TNIK: variants seen among roughly 807,000 people sequenced by gnomAD.
TNIK encodes the protein TRAF2 and NCK-interacting protein kinase.
TNIK carries 49 observed loss-of-function variants against 191.3 expected under a neutral mutation model. The observed-to-expected ratio is 0.26, with a 90% CI of 0.20 to 0.32. TNIK has a LOEUF of 0.32. Ranked by LOEUF, TNIK falls within the 10% of genes least tolerant of loss-of-function variation. The probability of loss-of-function intolerance (pLI) is 1.00; values close to 1 mark genes in which losing one functional copy is unlikely to be tolerated. For missense variants in TNIK, 1,155 were observed against 1,702.3 expected, an observed-to-expected ratio of 0.68 and a Z score of 5.66; for synonymous variants, 594 against 600.9, an observed-to-expected ratio of 0.99 and a Z score of 0.17.
At position 171,125,980 on chromosome 3, in the gene TNIK, G is replaced by A. The variant is rs1728419919; in HGVS notation, c.1945C>T (p.Leu649Phe). The change falls in exon 17 of 33, where the codon CTC becomes TTC. Residue 649 changes from leucine to phenylalanine, a missense_variant. Physicochemically the swap from Leu to Phe is conservative, Grantham distance 22. Around this residue, in one of 3 missense-constraint regions of TNIK, gnomAD observed 735 missense variants for 848.0 expected, o/e 0.87. Transcript: ENST00000436636. ...TCAAACTTTTCAATGCGAGTGGGGAGAGGAGGATTTTCCGAGGTGGGATCT... is the reference window on the plus strand; with the variant it reads ...TCAAACTTTTCAATGCGAGTGGGGAAAGGAGGATTTTCCGAGGTGGGATCT... ...NSDPTSENPPLPTRIEKFDRS... is the reference protein window; with the variant it reads ...NSDPTSENPPFPTRIEKFDRS... 3 of 1,614,002 alleles carry A rather than the reference G, an allele frequency of 1.9e-6. No individual in the cohort carries two copies. Among genetic ancestry groups the A allele is most frequent in the Non-Finnish European group, 2.5e-6 (3 of 1,179,892 alleles).
chr3:171,415,488 C>G (rs757884902), intron 1 of TNIK, among the ~76,000 whole-genome samples: 3 of 152,102 alleles, frequency 2.0e-5, no homozygotes, highest in Non-Finnish European at 2.9e-5. Flanking sequence ...AAATCTCTAC[C>G]TCTTCCAATT....
chr3:171,399,513 G>C (rs890276794), intron 1 of TNIK, among the ~76,000 whole-genome samples: 1 of 152,150 alleles, frequency 6.6e-6, no homozygotes, highest in African/African-American at 2.4e-5. Flanking sequence ...TTATTTATAA[G>C]AGTACAAATA....
chr3:171,409,380 A>G (rs949658593), intron 1 of TNIK, among the ~76,000 whole-genome samples: 5 of 152,202 alleles, frequency 3.3e-5, no homozygotes, highest in African/African-American at 1.2e-4. Flanking sequence ...TATTTACACC[A>G]TCTGTAGGAA....
intron 3 of TNIK, among the ~76,000 whole-genome samples, chr3:171,220,118 C>A (rs754653481): frequency 4.1e-4 from 62 of 152,252 alleles, no homozygotes; most frequent in Admixed American, 8.5e-4. Context: ...TGGAAACCAT[C>A]ATTCTCAGCA....
At chr3:171,271,622 G>T (rs536930125) in intron 2 of TNIK, among the ~76,000 whole-genome samples, 1 of 152,212 alleles carries the variant, frequency 6.6e-6, no homozygotes, top group Admixed American at 6.5e-5. Context: ...CACTTTTTAT[G>T]GGAAAGCTAT....
chr3:171,435,947 G>C (rs960348255), intron 1 of TNIK, among the ~76,000 whole-genome samples: 4 of 152,158 alleles, frequency 2.6e-5, no homozygotes, highest in Non-Finnish European at 4.4e-5. Context: ...GCTTGTTCTG[G>C]AGTGGGGGCA....
chr3:171,183,729 T>C (rs1454033521), intron 7 of TNIK, among the ~76,000 whole-genome samples: 1 of 152,062 alleles, frequency 6.6e-6, no homozygotes, highest in African/African-American at 2.4e-5. Flanking sequence ...AAGACCAGCC[T>C]GGCCAACACA....
chr3:171,268,824 C>T (rs761187046), intron 2 of TNIK, among the ~76,000 whole-genome samples: 1 of 152,172 alleles, frequency 6.6e-6, no homozygotes, highest in Non-Finnish European at 1.5e-5. Flanking sequence ...ACAAAATAGA[C>T]AATGCCAGTG....
intron 11 of TNIK, 45 bp from the exon 12 acceptor site, chr3:171,157,709 C>T (rs372418168): frequency 4.8e-5 from 74 of 1,541,958 alleles, no homozygotes; most frequent in Non-Finnish European, 6.4e-5. Flanking sequence ...GGGGCAGGGG[C>T]CATGGCTACC....
chr3:171,275,239 T>A (rs1446820455), intron 2 of TNIK, among the ~76,000 whole-genome samples: 1 of 152,114 alleles, frequency 6.6e-6, no homozygotes, highest in African/African-American at 2.4e-5. Context: ...AAAGCCCACA[T>A]AGAGAGTCAC....
chr3:171,196,835 A>G (rs1738738450), intron 4 of TNIK, among the ~76,000 whole-genome samples: 1 of 152,066 alleles, frequency 6.6e-6, no homozygotes, highest in Non-Finnish European at 1.5e-5. Context: ...GCTCACTGCA[A>G]GCTCCACCTC....
At chr3:171,153,395 T>C (rs1010730276) in intron 12 of TNIK, among the ~76,000 whole-genome samples, 1 of 152,190 alleles carries the variant, frequency 6.6e-6, no homozygotes, top group Non-Finnish European at 1.5e-5. Context: ...ATCTCTACCA[T>C]AATCCAACTG....
chr3:171,355,374 T>A (rs1401456501), intron 2 of TNIK, among the ~76,000 whole-genome samples: 26 of 152,346 alleles, frequency 1.7e-4, no homozygotes, highest in African/African-American at 6.3e-4. Context: ...TTGAAGTGTC[T>A]CTTCATAAGT....
At position 171,114,738 on chromosome 3, in the gene TNIK, T is replaced by C. The variant is rs191396371; in HGVS notation, c.2121-3861A>G. ...AGTAAAATCAGTTGCAGAGTGATCA[T>C]TGGTAAACTTAAGAAAAACTTCCAA... is the stretch of plus-strand genomic sequence containing the variant. On this transcript the variant is annotated intron_variant, in intron 18 of 32. Coordinates refer to ENST00000436636, the MANE Select transcript of TNIK (RefSeq NM_015028.4). Among the ~76,000 whole-genome samples, 44 of 152,354 alleles carry C rather than the reference T, an allele frequency of 2.9e-4. No homozygotes were observed. The East Asian group carries it at 8.1e-3, about 28-fold the overall frequency.
chr3:171,364,931 T>C (rs1418118457), intron 2 of TNIK, among the ~76,000 whole-genome samples: 1 of 151,990 alleles, frequency 6.6e-6, no homozygotes. Flanking sequence ...AATTAAATAA[T>C]ATATTCAAAA....
intron 12 of TNIK, among the ~76,000 whole-genome samples, chr3:171,143,020 ATACAG>A: frequency 6.6e-6 from 1 of 152,340 alleles, no homozygotes; most frequent in East Asian, 1.9e-4. Flanking sequence ...TGCAAGGTGT[ATACAG>A]TATTGATTGC....
intron 12 of TNIK, among the ~76,000 whole-genome samples, chr3:171,155,100 C>G (rs1020680404): frequency 1.3e-5 from 2 of 152,170 alleles, no homozygotes; most frequent in Non-Finnish European, 2.9e-5. Context: ...AAAGGGGTAG[C>G]TAAGTGGGAA....
At chr3:171,319,731 C>T (rs1754989407) in intron 2 of TNIK, among the ~76,000 whole-genome samples, 1 of 152,090 alleles carries the variant, frequency 6.6e-6, no homozygotes, top group African/African-American at 2.4e-5. Flanking sequence ...CCAAAAGGAA[C>T]GAGACCTTTT....
intron 26 of TNIK, among the ~76,000 whole-genome samples, chr3:171,083,007 G>A (rs1270687919): frequency 2.0e-5 from 3 of 152,108 alleles, no homozygotes; most frequent in African/African-American, 7.2e-5. Flanking sequence ...GGACTTCTCA[G>A]GTCTCTAAAT....
Sources: gnomAD v4.1 joint callset for allele counts (sites outside exome capture counted in the v4.1 genomes callset) on GRCh38, gnomAD v4.1.1 for gene constraint, gnomAD v4.1.1 regional missense constraint, MANE v1.5 for transcripts, NCBI Gene and HGNC (gene_info 2026-07-23, HGNC 2026-07-21) for gene names.